The following PEMT variants were observed in gnomAD, a reference collection of about 807,000 sequenced individuals.
PEMT encodes the protein phospholipid methyltransferase.
PEMT carries 23 observed loss-of-function variants against 27.4 expected under a neutral mutation model. The ratio of observed to expected loss-of-function variants is 0.84; its 90% CI spans 0.60 to 1.19. PEMT has a LOEUF of 1.19. Among genes scored for constraint, PEMT ranks in the 50% most tolerant of loss-of-function variants. The pLI, the probability that PEMT is intolerant of heterozygous loss-of-function variation, is 0.00. For synonymous variants in PEMT, 137 were observed against 139.1 expected (o/e 0.98, Z 0.11); for missense variants, 307 against 310.1 (o/e 0.99, Z 0.07).
At chr17:17,558,961 C>G (rs1468070801) in intron 2 of PEMT, among the ~76,000 whole-genome samples, 1 of 152,176 alleles carries the variant, frequency 6.6e-6, no homozygotes, top group Non-Finnish European at 1.5e-5. Context: ...AGTCCTTCAC[C>G]ATTTCCAAAA....
chr17:17,550,921 T>C (rs1284976537), intron 2 of PEMT, among the ~76,000 whole-genome samples: 1 of 152,138 alleles, frequency 6.6e-6, no homozygotes, highest in Non-Finnish European at 1.5e-5. Context: ...GGAATCAACT[T>C]TTTATCATCA....
In PEMT at chr17:17,513,404, C is replaced by T. The variant is rs544075487; in HGVS notation, c.321-750G>A. Among the ~76,000 whole-genome samples the T allele has an allele frequency of 1.3e-5, 2 of 152,238 alleles. No individual in the cohort carries two copies. The highest frequency in any genetic ancestry group is 4.1e-4 in the South Asian group (2 of 4,824). On this transcript the variant is annotated intron_variant, in intron 3 of 6. Transcript: ENST00000255389. This position sits in a 1 kb window ranked among gnomAD's most constrained non-coding sequence, Gnocchi z 4.1. ...CTGAGGTCAGGAGTTCAAGACCAGC[C>T]TGGCCAACATGGTGAAACCCTGTCT...
chr17:17,581,143 C>T (rs1454785506), intron 1 of PEMT, among the ~76,000 whole-genome samples: 4 of 152,158 alleles, frequency 2.6e-5, no homozygotes, highest in African/African-American at 9.7e-5. Context: ...AAGAGAGGTG[C>T]ATCTTCCTGA....
chr17:17,556,795 C>G (rs1301211481), intron 2 of PEMT, among the ~76,000 whole-genome samples: 1 of 152,184 alleles, frequency 6.6e-6, no homozygotes, highest in Non-Finnish European at 1.5e-5. Flanking sequence ...TTAAAATGCC[C>G]TTTGTCTGCT....
At chr17:17,562,052 C>T (rs1281839181) in intron 2 of PEMT, among the ~76,000 whole-genome samples, 3 of 152,214 alleles carry the variant, frequency 2.0e-5, no homozygotes, top group South Asian at 4.1e-4. Context: ...GCTGGCGTTC[C>T]GGCCCATTGG....
intron 1 of PEMT, chr17:17,577,478 G>C (rs1400450318): frequency 9.7e-7 from 1 of 1,029,006 alleles, no homozygotes; most frequent in South Asian, 3.9e-5. Context: ...CACTCGACAG[G>C]GGACAATCTT....
intron 3 of PEMT, among the ~76,000 whole-genome samples, chr17:17,518,587 A>G (rs1247967747): frequency 6.6e-6 from 1 of 152,176 alleles, no homozygotes; most frequent in East Asian, 1.9e-4. Flanking sequence ...ACCTGCTAAC[A>G]TAGTGACCTA....
intron 5 of PEMT, chr17:17,507,823 G>A (rs70965419): frequency 3.9e-5 from 6 of 153,908 alleles, no homozygotes; most frequent in African/African-American, 1.4e-4. Flanking sequence ...GCCAGATAAT[G>A]GCTCATCTCT....
intron 2 of PEMT, among the ~76,000 whole-genome samples, chr17:17,531,922 G>C (rs1008279852): frequency 6.6e-6 from 1 of 152,138 alleles, no homozygotes; most frequent in African/African-American, 2.4e-5. Flanking sequence ...AGACATTCTT[G>C]ATAGAATGAA....
intron 2 of PEMT, among the ~76,000 whole-genome samples, chr17:17,524,615 A>G (rs1907538328): frequency 6.9e-6 from 1 of 145,568 alleles, no homozygotes; most frequent in Non-Finnish European, 1.5e-5. Flanking sequence ...AAAAAAAAAA[A>G]TAATAAAAAA....
chr17:17,527,057 G>A (rs993929063), intron 2 of PEMT, among the ~76,000 whole-genome samples: 15 of 152,126 alleles, frequency 9.9e-5, no homozygotes, highest in African/African-American at 3.6e-4. Flanking sequence ...TATGTTTTTA[G>A]ACGGAGTTTC....
At chr17:17,584,343 T>C (rs546117453) in intron 1 of PEMT, among the ~76,000 whole-genome samples, 9 of 152,146 alleles carry the variant, frequency 5.9e-5, no homozygotes, top group Non-Finnish European at 1.0e-4. Context: ...GTATTTTTAG[T>C]AGAGACAGGG....
intron 5 of PEMT, 61 bp downstream of exon 5, chr17:17,509,373 G>T (rs531944363): frequency 8.7e-7 from 1 of 1,146,818 alleles, no homozygotes; most frequent in African/African-American, 1.5e-5. Flanking sequence ...GTCCTGAGCT[G>T]CACCAGCTCC....
At chr17:17,524,137 T>C (rs1348834959) in intron 2 of PEMT, among the ~76,000 whole-genome samples, 1 of 152,168 alleles carries the variant, frequency 6.6e-6, no homozygotes, top group African/African-American at 2.4e-5. Flanking sequence ...TATATAAAGA[T>C]TTTGTCCACC....
chr17:17,526,111 G>A (rs1907642548), intron 2 of PEMT, among the ~76,000 whole-genome samples: 1 of 152,194 alleles, frequency 6.6e-6, no homozygotes, highest in Admixed American at 6.5e-5. Flanking sequence ...GGCCCTGGGT[G>A]TGTGTTTGCT....
In PEMT at chr17:17,513,958, G is replaced by A. The variant is rs1906608691; in HGVS notation, c.321-1304C>T. ...CCCAGTCTGTAGACGGCATCTCCCA[G>A]CAGGGCCAGCTTACCATCCACCCCA... On this transcript the variant is annotated intron_variant, in intron 3 of 6. Transcript: ENST00000255389. This position sits in a 1 kb window ranked among gnomAD's most constrained non-coding sequence, Gnocchi z 4.1. Among the ~76,000 whole-genome samples, 1 of 152,136 alleles carries A rather than the reference G, an allele frequency of 6.6e-6. No individual in the cohort carries two copies. The highest frequency in any genetic ancestry group is 1.5e-5 in the Non-Finnish European group (1 of 68,016).
intron 5 of PEMT, chr17:17,506,851 A>G: frequency 2.5e-6 from 1 of 392,906 alleles, no homozygotes; most frequent in Non-Finnish European, 4.6e-6. Flanking sequence ...AAGGGGGCTT[A>G]GGAGCTGCCG....
intron 2 of PEMT, among the ~76,000 whole-genome samples, chr17:17,550,357 G>A (rs1407322675): frequency 6.6e-6 from 1 of 152,208 alleles, no homozygotes; most frequent in Non-Finnish European, 1.5e-5. Context: ...TTTGAAACAA[G>A]AGTCCATTTG....
In PEMT at chr17:17,582,150, C is replaced by T. The variant is rs899611120; in HGVS notation, c.97-5123G>A. On this transcript the variant is annotated intron_variant, in intron 1 of 6. Transcript: ENST00000255389. The surrounding 1 kb of genome is among the most constrained non-coding windows in gnomAD (Gnocchi z 4.9). ...TCCCATCCACTCCCAGCCCCAACCT[C>T]CTTCATACAACAGAGGTCCCGGCTT... 3.8e-5 allele frequency: 20 copies of T among 525,082 alleles called. No individual in the cohort carries two copies. The African/African-American group carries it at 4.1e-4, about 11-fold the overall frequency. 32.5% of individuals were successfully genotyped at this position (525,082 alleles called of 1,614,324 possible). A position where few individuals can be genotyped will look rare whatever the true frequency, so the allele number is the denominator to read the frequency against.
Sources: gnomAD v4.1 joint callset for allele counts (sites outside exome capture counted in the v4.1 genomes callset) on GRCh38, gnomAD v4.1.1 for gene constraint, Gnocchi (gnomAD v3.1) non-coding constraint, MANE v1.5 for transcripts, NCBI Gene and HGNC (gene_info 2026-07-23, HGNC 2026-07-21) for gene names.